Variants in JAZF1 observed in about 807,000 individuals in gnomAD.
JAZF1 encodes the protein juxtaposed with another zinc finger protein 1.
Under a neutral mutation model 26.4 loss-of-function variants are expected in JAZF1, and 8 were observed. The observed-to-expected ratio is 0.30, with a 90% CI of 0.18 to 0.55. The LOEUF (loss-of-function observed/expected upper bound fraction) is 0.55, where lower values mean the gene tolerates loss of function less well. JAZF1 is among the 20% of genes least tolerant of loss of function. JAZF1 has a pLI of 0.94. For missense variants in JAZF1, 199 were observed against 322.0 expected, an observed-to-expected ratio of 0.62 and a Z score of 2.92; for synonymous variants, 126 against 122.3, an observed-to-expected ratio of 1.03 and a Z score of -0.20.
rs1782721695 is a variant in JAZF1 at position 27,832,390 on chromosome 7, T to C, written c.*410A>G. ...AGGTATTATTTTGGTTTTGAACATA[T>C]GTGAGTTGATGTGTTGAAAACTTCA... On this transcript the variant is annotated 3_prime_UTR_variant, in exon 5 of 5. Coordinates refer to ENST00000283928, the MANE Select transcript of JAZF1 (RefSeq NM_175061.4). The C allele has an allele frequency of 4.4e-6, 1 of 227,460 alleles. No individual in the cohort carries two copies. The highest frequency in any genetic ancestry group is 8.8e-6 in the Non-Finnish European group (1 of 114,208). The allele number at this position is 227,460 out of a possible 1,614,324, so 14.1% of individuals were successfully genotyped here.
chr7:27,873,626 A>G (rs1006973570), intron 3 of JAZF1, among the ~76,000 whole-genome samples: 11 of 152,228 alleles, frequency 7.2e-5, no homozygotes, highest in Admixed American at 6.5e-4. Context: ...TGTTGCCAGT[A>G]GATGTGCCTA....
chr7:28,043,069 GC>G (rs1264007098), intron 1 of JAZF1, among the ~76,000 whole-genome samples: 2 of 152,134 alleles, frequency 1.3e-5, no homozygotes, highest in African/African-American at 4.8e-5. Flanking sequence ...TGCAAAAGAT[GC>G]ATATGATCTG....
intron 1 of JAZF1, among the ~76,000 whole-genome samples, chr7:28,093,167 C>G (rs184738827): frequency 6.6e-6 from 1 of 152,216 alleles, no homozygotes; most frequent in African/African-American, 2.4e-5. Context: ...GCTGTATCCC[C>G]ACCCAAATCT....
At chr7:27,835,043 G>C (rs780964369) in intron 4 of JAZF1, among the ~76,000 whole-genome samples, 1 of 152,172 alleles carries the variant, frequency 6.6e-6, no homozygotes, top group Non-Finnish European at 1.5e-5. Context: ...TGAGCACCTA[G>C]CAGGGTCCTT....
intron 1 of JAZF1, among the ~76,000 whole-genome samples, chr7:27,994,184 T>C (rs1172734516): frequency 2.0e-5 from 3 of 152,236 alleles, no homozygotes; most frequent in African/African-American, 4.8e-5. Flanking sequence ...AAGTATCTTA[T>C]ACAAATGTCT....
chr7:27,941,094 G>A (rs1046852426), intron 2 of JAZF1, among the ~76,000 whole-genome samples: 9 of 152,140 alleles, frequency 5.9e-5, no homozygotes, highest in African/African-American at 1.7e-4. Flanking sequence ...AATTAGGCAC[G>A]CCTTCAAGAT....
In JAZF1 at chr7:28,011,414, C is replaced by T. The variant is rs530764392; in HGVS notation, c.116-19433G>A. On this transcript the variant is annotated intron_variant, in intron 1 of 4. Coordinates refer to ENST00000283928, the MANE Select transcript of JAZF1 (RefSeq NM_175061.4). ...CAAAAAGGTAGTGATAACAAGGAGA[C>T]ATTAATCTCATATTTGGTTGGTTTA... Among the ~76,000 whole-genome samples the T allele has an allele frequency of 2.6e-5, 4 of 152,244 alleles. No individual in the cohort carries two copies. In the South Asian group the frequency reaches 8.3e-4, roughly 32 times the overall value.
At chr7:27,889,660 G>A (rs536470170) in intron 3 of JAZF1, among the ~76,000 whole-genome samples, 3 of 152,146 alleles carry the variant, frequency 2.0e-5, no homozygotes, top group Non-Finnish European at 4.4e-5. Context: ...GGCCAGGTGC[G>A]GTGGCTCACG....
intron 1 of JAZF1, among the ~76,000 whole-genome samples, chr7:28,068,632 A>G (rs754505339): frequency 6.6e-6 from 1 of 152,182 alleles, no homozygotes; most frequent in Non-Finnish European, 1.5e-5. Flanking sequence ...AGAGGTTTAC[A>G]TTATAGGTTT....
intron 1 of JAZF1, among the ~76,000 whole-genome samples, chr7:28,088,128 A>C (rs535921243): frequency 3.0e-4 from 46 of 152,296 alleles, no homozygotes; most frequent in Non-Finnish European, 5.4e-4. Flanking sequence ...ACATCCCTTC[A>C]CGGAGCTTAA....
rs1782717832 is a variant in JAZF1, at chr7:27,832,194, GATAAT to G, written c.*601_*605del. On this transcript the variant is annotated 3_prime_UTR_variant, in exon 5 of 5. Coordinates refer to ENST00000283928, the MANE Select transcript of JAZF1 (RefSeq NM_175061.4). Reference sequence around the variant, plus strand: ...TTTTAAAGGGCAAAAGGATTTGCAAGATAATATAAAACACAGAAAGCACACCTTTA... The same window carrying G: ...TTTTAAAGGGCAAAAGGATTTGCAAGATAAAACACAGAAAGCACACCTTTA... The G allele has an allele frequency of 4.7e-6, 1 of 211,462 alleles. No homozygotes were observed. The highest frequency in any genetic ancestry group is 9.6e-6 in the Non-Finnish European group (1 of 104,196). The allele number at this position is 211,462 out of a possible 1,614,324, so 13.1% of individuals were successfully genotyped here. A position where few individuals can be genotyped will look rare whatever the true frequency, so the allele number is the denominator to read the frequency against.
intron 3 of JAZF1, among the ~76,000 whole-genome samples, chr7:27,885,145 C>T (rs2128340198): frequency 6.6e-6 from 1 of 152,344 alleles, no homozygotes; most frequent in African/African-American, 2.4e-5. Context: ...TTCAATTCTA[C>T]ACACCTTAAA....
At chr7:27,970,830 T>C (rs1027917469) in intron 2 of JAZF1, among the ~76,000 whole-genome samples, 1 of 152,268 alleles carries the variant, frequency 6.6e-6, no homozygotes, top group Non-Finnish European at 1.5e-5. Context: ...TTTATGAATC[T>C]TAGTTTACTT....
intron 4 of JAZF1, among the ~76,000 whole-genome samples, chr7:27,835,523 A>G (rs1782790186): frequency 6.6e-6 from 1 of 152,116 alleles, no homozygotes. Context: ...CTCTGGAAAA[A>G]TCAGGAAGCA....
At chr7:28,131,863 G>C (rs1330845663) in intron 1 of JAZF1, among the ~76,000 whole-genome samples, 1 of 152,024 alleles carries the variant, frequency 6.6e-6, no homozygotes, top group East Asian at 1.9e-4. Context: ...CACTTCACTC[G>C]ATGTATTATT....
intron 1 of JAZF1, among the ~76,000 whole-genome samples, chr7:28,080,042 T>G (rs1784111269): frequency 6.6e-6 from 1 of 152,252 alleles, no homozygotes; most frequent in Non-Finnish European, 1.5e-5. Context: ...TATCTTAATT[T>G]TAAAATATTT....
intron 1 of JAZF1, among the ~76,000 whole-genome samples, chr7:28,100,833 G>T (rs1462190865): frequency 6.6e-6 from 1 of 152,150 alleles, no homozygotes; most frequent in Non-Finnish European, 1.5e-5. Context: ...GTGGTAGGTG[G>T]TCATGGGGCC....
chr7:27,853,195 C>T (rs565866781), intron 3 of JAZF1, among the ~76,000 whole-genome samples: 7 of 152,248 alleles, frequency 4.6e-5, no homozygotes, highest in Non-Finnish European at 7.4e-5. Flanking sequence ...TCTTTTACAT[C>T]CTCCCAACCC....
intron 1 of JAZF1, among the ~76,000 whole-genome samples, chr7:28,079,141 C>A (rs1461477236): frequency 1.3e-5 from 2 of 152,094 alleles, no homozygotes; most frequent in African/African-American, 2.4e-5. Context: ...AGGTGCCCAC[C>A]ACCATGCCAG....
Sources: allele counts gnomAD v4.1 joint callset (sites outside exome capture counted in the v4.1 genomes callset), GRCh38; gene constraint gnomAD v4.1.1; transcripts MANE v1.5; gene names NCBI Gene and HGNC (gene_info 2026-07-23, HGNC 2026-07-21).